TASOR2: variants seen among roughly 807,000 people sequenced by gnomAD.
TASOR2 encodes protein TASOR 2.
TASOR2 carries 84 observed loss-of-function variants against 199.5 expected under a neutral mutation model. The observed-to-expected ratio is 0.42, with a 90% CI of 0.35 to 0.50. TASOR2 has a LOEUF of 0.50. TASOR2 is among the 20% of genes least tolerant of loss of function. TASOR2 has a pLI of 0.02. For synonymous variants in TASOR2, 1,103 were observed against 1,046.6 expected (o/e 1.05, Z -1.04); for missense variants, 2,796 against 2,835.9 (o/e 0.99, Z 0.32).
chr10:5,725,390 CAAAAAAAAAAAAAAAAAA>C (rs59186946), intron 8 of TASOR2, among the ~76,000 whole-genome samples: 6 of 78,960 alleles, frequency 7.6e-5, no homozygotes, highest in African/African-American at 1.2e-4. Flanking sequence ...GACTCCATCT[CAAAAAAAAAAAAAAAAAA>C]AAAAAAAAAA....
chr10:5,729,481 A>G (rs1230240863), intron 10 of TASOR2, among the ~76,000 whole-genome samples: 1 of 152,226 alleles, frequency 6.6e-6, no homozygotes, highest in Non-Finnish European at 1.5e-5. Context: ...CAGGTAGATC[A>G]CTTGAGCCCA....
chr10:5,716,287 G>T (rs937487779), intron 2 of TASOR2, among the ~76,000 whole-genome samples: 1 of 152,054 alleles, frequency 6.6e-6, no homozygotes, highest in Non-Finnish European at 1.5e-5. Context: ...GGACATACGG[G>T]TTATTTCTAC....
At chr10:5,705,102 A>G (rs1310459042) in intron 1 of TASOR2, among the ~76,000 whole-genome samples, 2 of 152,238 alleles carry the variant, frequency 1.3e-5, no homozygotes, top group African/African-American at 4.8e-5. Context: ...CAATAAAAAT[A>G]GTGTGTGTCC....
At chr10:5,704,287 C>T (rs1014016692) in intron 1 of TASOR2, among the ~76,000 whole-genome samples, 1 of 151,304 alleles carries the variant, frequency 6.6e-6, no homozygotes, top group Non-Finnish European at 1.5e-5. Flanking sequence ...AACTTCTGGG[C>T]TTGAGACTTA....
At chr10:5,728,753 T>TA (rs1834392186) in intron 10 of TASOR2, among the ~76,000 whole-genome samples, 2 of 152,178 alleles carry the variant, frequency 1.3e-5, no homozygotes, top group Non-Finnish European at 2.9e-5. Flanking sequence ...TTTTCAAGCA[T>TA]TTATCATGTC....
intron 14 of TASOR2, among the ~76,000 whole-genome samples, chr10:5,744,918 C>T (rs1298387325): frequency 2.0e-5 from 3 of 152,160 alleles, no homozygotes; most frequent in South Asian, 2.1e-4. Flanking sequence ...CGTGAGAAGC[C>T]GTGCCCTACC....
At chr10:5,731,004 A>G (rs775594275) in exon 11 of TASOR2, 3 of 1,614,140 alleles carry the variant, frequency 1.9e-6, no homozygotes, top group South Asian at 2.2e-5. Flanking sequence ...CAAAGAAGAG[A>G]GTTTTTCCAT....
chr10:5,686,634 C>T, intron 1 of TASOR2, among the ~76,000 whole-genome samples: 1 of 152,182 alleles, frequency 6.6e-6, no homozygotes, highest in Non-Finnish European at 1.5e-5. Flanking sequence ...TTCACTCGCT[C>T]AAAAGATGTG....
chr10:5,685,516 T>C lies in TASOR2; in HGVS notation c.-288+341T>C, dbSNP rs1211155381. 1.3e-5 allele frequency among the ~76,000 whole-genome samples: 2 copies of C among 152,214 alleles called. No homozygotes were observed. Among genetic ancestry groups the C allele is most frequent in the African/African-American group, 4.8e-5 (2 of 41,438 alleles). ...GATAAGTTCTTGGCTGAAGTTTCCGTCTTCGGGTTTGCACCGGCTGGGAAA... is the reference window on the plus strand; with the variant it reads ...GATAAGTTCTTGGCTGAAGTTTCCGCCTTCGGGTTTGCACCGGCTGGGAAA... On this transcript the variant is annotated intron_variant, in intron 1 of 20. Coordinates refer to ENST00000328090, the Ensembl canonical transcript of TASOR2. This position sits in a 1 kb window ranked among gnomAD's most constrained non-coding sequence, Gnocchi z 5.4.
At chr10:5,749,190 G>C in exon 15 of TASOR2, 2 of 1,614,056 alleles carry the variant, frequency 1.2e-6, no homozygotes, top group Non-Finnish European at 1.7e-6. Flanking sequence ...GGATCCTCAG[G>C]ACTTACGCCA....
Position 5,762,515 on chromosome 10 carries a change from T to G in TASOR2, c.7175-17T>G, listed in dbSNP as rs757384619. 1.2e-5 allele frequency: 7 copies of G among 599,542 alleles called. No individual in the cohort carries two copies. The highest frequency in any genetic ancestry group is 7.9e-5 in the African/African-American group (4 of 50,608). 37.1% of individuals were successfully genotyped at this position (599,542 alleles called of 1,614,324 possible). A position where few individuals can be genotyped will look rare whatever the true frequency, so the allele number is the denominator to read the frequency against. Reference sequence around the variant, plus strand: ...TAATTATATTAACCAAAAGTTGTTTTTTTTTTTTTTTAACAGACAAGCCTA... The same window carrying G: ...TAATTATATTAACCAAAAGTTGTTTGTTTTTTTTTTTAACAGACAAGCCTA... On this transcript the variant is annotated splice_polypyrimidine_tract_variant and intron_variant, in intron 19 of 20. Transcript: ENST00000328090.
In TASOR2 at chr10:5,730,745, C is replaced by T. The variant is rs1834699208; in HGVS notation, c.746C>T (p.Ala249Val). The T allele has an allele frequency of 9.9e-6, 16 of 1,614,180 alleles. No homozygotes were observed. The highest frequency in any genetic ancestry group is 1.4e-5 in the Non-Finnish European group (16 of 1,180,024). ...AGTGGTTTTGACTTGATTCCTCCAG[C>T]TGAAAAGTGCCCTTCAGAGTCTTTA... is the stretch of plus-strand genomic sequence containing the variant. The change falls in exon 11 of 21, where the codon GCT becomes GTT. Residue 249 changes from alanine (A) to valine (V), a missense_variant. Transcript: ENST00000328090. This position sits in a 1 kb window ranked among gnomAD's most constrained non-coding sequence, Gnocchi z 4.1.
chr10:5,706,369 ATTGTG>A lies in TASOR2; in HGVS notation c.-287-6450_-287-6446del, dbSNP rs1286548428. Among the ~76,000 whole-genome samples, 4 of 152,136 alleles carry A rather than the reference ATTGTG, an allele frequency of 2.6e-5. No homozygotes were observed. Among genetic ancestry groups the A allele is most frequent in the Non-Finnish European group, 5.9e-5 (4 of 68,018 alleles). On this transcript the variant is annotated intron_variant, in intron 1 of 20. Transcript: ENST00000328090. This position sits in a 1 kb window ranked among gnomAD's most constrained non-coding sequence, Gnocchi z 4.8. ...AGATCATCAGTTTCTGCAAACTGAG[ATTGTG>A]TTGAATCTGTAGATCAATTTTGTGT...
rs890469838 is a variant in TASOR2 at position 5,730,198 on chromosome 10, T to G, written c.488-289T>G. The stretch of plus-strand genomic sequence containing the variant: ...TTGAGCTCATGAGCTCCTTGTTAGG[T>G]GAGATGGAGCTGGAGGCAGGGTTTA... On this transcript the variant is annotated intron_variant, in intron 10 of 20. Transcript: ENST00000328090. The surrounding 1 kb of genome is among the most constrained non-coding windows in gnomAD (Gnocchi z 4.1). Among the ~76,000 whole-genome samples the G allele has an allele frequency of 1.4e-4, 21 of 152,082 alleles. No individual in the cohort carries two copies. Among genetic ancestry groups the G allele is most frequent in the African/African-American group, 5.1e-4 (21 of 41,394 alleles).
rs374378576 is a variant in TASOR2 at position 5,730,840 on chromosome 10, C to A, written c.841C>A (p.Leu281Ile). The change falls in exon 11 of 21, where the codon CTA becomes ATA. Residue 281 changes from leucine to isoleucine, a missense_variant. Physicochemically the swap from Leu to Ile is conservative, Grantham distance 5 (BLOSUM62 2). Around this residue, in one of 3 missense-constraint regions of TASOR2, gnomAD observed 847 missense variants for 887.4 expected, o/e 0.95. Coordinates refer to ENST00000328090, the Ensembl canonical transcript of TASOR2. The surrounding 1 kb of genome is among the most constrained non-coding windows in gnomAD (Gnocchi z 4.1). Reference sequence around the variant, plus strand: ...GGAAGTGTCTACTGCTTTGGACTTGCTAGCAGAGCATCCTCAGTCTCCTTG... The same window carrying A: ...GGAAGTGTCTACTGCTTTGGACTTGATAGCAGAGCATCCTCAGTCTCCTTG... 5 of 1,614,070 alleles carry A rather than the reference C, an allele frequency of 3.1e-6. No homozygotes were observed. The highest frequency in any genetic ancestry group is 3.3e-4 in the Middle Eastern group (2 of 6,084).
chr10:5,685,664 A>C lies in TASOR2; in HGVS notation c.-288+489A>C, dbSNP rs1835730550. Reference sequence around the variant, plus strand: ...GGAGGGTCATTTCAGCAGCAAGCGCAAGCCGCGTTGGGATAACTTGGTGCG... The same window carrying C: ...GGAGGGTCATTTCAGCAGCAAGCGCCAGCCGCGTTGGGATAACTTGGTGCG... On this transcript the variant is annotated intron_variant, in intron 1 of 20. Transcript: ENST00000328090. This position sits in a 1 kb window ranked among gnomAD's most constrained non-coding sequence, Gnocchi z 5.4. 6.6e-6 allele frequency among the ~76,000 whole-genome samples: 1 copy of C among 152,218 alleles called. No individual in the cohort carries two copies. The highest frequency in any genetic ancestry group is 1.5e-5 in the Non-Finnish European group (1 of 68,038).
At position 5,750,090 on chromosome 10, in the gene TASOR2, A is replaced by C. The variant is rs930509690; in HGVS notation, c.6606+63A>C. 4.7e-6 allele frequency: 7 copies of C among 1,481,022 alleles called. No individual in the cohort carries two copies. In the Admixed American group the frequency reaches 1.7e-4, roughly 35 times the overall value. The allele number at this position is 1,481,022 out of a possible 1,614,324, so 91.7% of individuals were successfully genotyped here. A position where few individuals can be genotyped will look rare whatever the true frequency, so the allele number is the denominator to read the frequency against. On this transcript the variant is annotated intron_variant, in intron 15 of 20. Coordinates refer to ENST00000328090, the Ensembl canonical transcript of TASOR2. The surrounding 1 kb of genome is among the most constrained non-coding windows in gnomAD (Gnocchi z 5.4). ...GCTGATTTTAGTTTTAGAAATAATA[A>C]ATTTAGCATATTAGCCATCAAAAAG...
rs1197562087 is a variant in TASOR2, at chr10:5,706,511, A to G, written c.-287-6312A>G. Among the ~76,000 whole-genome samples, 1 of 152,232 alleles carries G rather than the reference A, an allele frequency of 6.6e-6. No individual in the cohort carries two copies. Among genetic ancestry groups the G allele is most frequent in the Non-Finnish European group, 1.5e-5 (1 of 68,050 alleles). ...AGAAAGGTCCTTCCAAAAAAAAGAA[A>G]AGAAGCTGCTCAAAACAGACAAAAT... On this transcript the variant is annotated intron_variant, in intron 1 of 20. Coordinates refer to ENST00000328090, the Ensembl canonical transcript of TASOR2. This position sits in a 1 kb window ranked among gnomAD's most constrained non-coding sequence, Gnocchi z 4.8.
intron 3 of TASOR2, among the ~76,000 whole-genome samples, chr10:5,718,947 C>G (rs924352599): frequency 1.3e-5 from 2 of 152,116 alleles, no homozygotes; most frequent in Non-Finnish European, 2.9e-5. Flanking sequence ...TTGCCACTAG[C>G]TGGAGATTGC....
Sources: allele counts gnomAD v4.1 joint callset (sites outside exome capture counted in the v4.1 genomes callset), GRCh38; gene constraint gnomAD v4.1.1; regional missense constraint gnomAD v4.1.1; non-coding constraint Gnocchi (gnomAD v3.1); transcripts MANE v1.5; gene names NCBI Gene and HGNC (gene_info 2026-07-23, HGNC 2026-07-21).